RP1: variants seen among roughly 807,000 people sequenced by gnomAD.
RP1 encodes RP1 axonemal microtubule associated, also known as oxygen-regulated protein 1.
Under a neutral mutation model 14.8 loss-of-function variants are expected in RP1, and 16 were observed. That is an observed-to-expected ratio of 1.08 (90% confidence interval 0.73 to 1.65). The LOEUF (loss-of-function observed/expected upper bound fraction) is 1.65, where lower values mean the gene tolerates loss of function less well. RP1 is among the 40% of genes most tolerant of loss of function. RP1 has a pLI of 0.00. For missense variants in RP1, 2,631 were observed against 2,535.0 expected (o/e 1.04, Z -0.81); for synonymous variants, 876 against 883.6 (o/e 0.99, Z 0.15).
chr8:54,610,436 C>A (rs1249078050), intron 1 of RP1, among the ~76,000 whole-genome samples: 1 of 152,130 alleles, frequency 6.6e-6, no homozygotes, highest in African/African-American at 2.4e-5. Flanking sequence ...GTTTTAAGCA[C>A]CATCAGTATA....
chr8:54,603,273 A>G (rs1160181856), intron 1 of RP1, among the ~76,000 whole-genome samples: 7 of 151,904 alleles, frequency 4.6e-5, no homozygotes, highest in Non-Finnish European at 1.0e-4. Flanking sequence ...CAGTTTTCCC[A>G]GCACCATTTA....
chr8:54,595,534 T>A (rs1805123429), intron 1 of RP1, among the ~76,000 whole-genome samples: 1 of 152,212 alleles, frequency 6.6e-6, no homozygotes, highest in Non-Finnish European at 1.5e-5. Flanking sequence ...AACATCTTAA[T>A]ACTTCTCTCT....
In RP1 at chr8:54,628,846, A is replaced by G. The variant is rs1806160871; in HGVS notation, c.4964A>G (p.Gln1655Arg). 1 of 1,613,886 alleles carries G rather than the reference A, an allele frequency of 6.2e-7. No homozygotes were observed. Among genetic ancestry groups the G allele is most frequent in the Non-Finnish European group, 8.5e-7 (1 of 1,179,878 alleles). The change falls in exon 4 of 4, where the codon CAG becomes CGG. Residue 1655 changes from glutamine to arginine, a missense_variant. Transcript: ENST00000220676. ...TTTCCTGGGTCTACCCGCAAATCTC[A>G]GGTTTGTCCTTATAATTCTGTGGAA... ...SFFPGSTRKS[Q>R]VCPYNSVEFQ... is the part of the protein sequence containing the mutation.
intron 1 of RP1, among the ~76,000 whole-genome samples, chr8:54,572,157 G>A (rs1205780651): frequency 5.9e-5 from 9 of 152,196 alleles, no homozygotes; most frequent in Admixed American, 5.9e-4. Context: ...TTTGTGAGCA[G>A]GAACTGGAAG....
rs1807389957 is a variant in RP1 at position 54,679,987 on chromosome 8, AG to A, written c.1717+56del. The A allele has an allele frequency of 2.0e-6, 3 of 1,502,354 alleles. No homozygotes were observed. The Admixed American group carries it at 6.6e-5, about 33-fold the overall frequency. The allele number at this position is 1,502,354 out of a possible 1,614,324, so 93.1% of individuals were successfully genotyped here. A position where few individuals can be genotyped will look rare whatever the true frequency, so the allele number is the denominator to read the frequency against. ...CTGGACAGGTCTGGGAGTTAAAGGAAGGTAGATTTCTAGACACAGTTTAATT... is the reference window on the plus strand; with the variant it reads ...CTGGACAGGTCTGGGAGTTAAAGGAAGTAGATTTCTAGACACAGTTTAATT... On this transcript the variant is annotated intron_variant, in intron 12 of 22. Transcript: ENST00000636932.
intron 16 of RP1, among the ~76,000 whole-genome samples, chr8:54,721,292 T>A (rs917310109): frequency 2.0e-5 from 3 of 152,246 alleles, no homozygotes; most frequent in Admixed American, 6.5e-5. Flanking sequence ...TCCTACAGGC[T>A]GTCACAGAGT....
rs929067657 is a variant in RP1, at chr8:54,577,588, T to C, written c.-13+18268T>C. Among the ~76,000 whole-genome samples, 5 of 152,200 alleles carry C rather than the reference T, an allele frequency of 3.3e-5. 1 individual carries two copies. The South Asian group carries it at 1.0e-3, about 32-fold the overall frequency. The stretch of plus-strand genomic sequence containing the variant: ...AGTCGTGTGTTATGAAGCAGTCACA[T>C]GTGTTGTGAATTACTTATGAATAAT... On this transcript the variant is annotated intron_variant, in intron 1 of 22. Transcript: ENST00000636932.
intron 24 of RP1, among the ~76,000 whole-genome samples, chr8:54,796,381 G>A (rs1354498567): frequency 6.6e-6 from 1 of 152,164 alleles, no homozygotes; most frequent in Admixed American, 6.6e-5. Flanking sequence ...GGAAAATGTA[G>A]GTGACAGTTA....
intron 1 of RP1, among the ~76,000 whole-genome samples, chr8:54,587,442 AAGAG>A (rs929946382): frequency 6.6e-6 from 1 of 151,318 alleles, no homozygotes; most frequent in Admixed American, 6.6e-5. Flanking sequence ...AAAAAAAAAA[AAGAG>A]AGAGAGAGCA....
chr8:54,652,029 A>G (rs1428710150), intron 4 of RP1, among the ~76,000 whole-genome samples: 1 of 144,800 alleles, frequency 6.9e-6, no homozygotes, highest in South Asian at 2.1e-4. Flanking sequence ...TTTTTCTGAG[A>G]TGGAGTCTAT....
chr8:54,856,991 T>A, intron 26 of RP1: 1 of 666,512 alleles, frequency 1.5e-6, no homozygotes, highest in Non-Finnish European at 2.1e-6. Context: ...AAAGGAAATA[T>A]CCTAATGGTC....
intron 23 of RP1, among the ~76,000 whole-genome samples, chr8:54,782,661 G>A (rs766909912): frequency 3.3e-5 from 5 of 152,194 alleles, no homozygotes; most frequent in Non-Finnish European, 1.5e-5. Context: ...GTGCTTGGCT[G>A]TGTGGTGTGG....
chr8:54,585,469 T>C (rs2129298526), intron 1 of RP1, among the ~76,000 whole-genome samples: 1 of 152,318 alleles, frequency 6.6e-6, no homozygotes, highest in South Asian at 2.1e-4. Context: ...CTGACAATTA[T>C]GTGTCTTGGA....
upstream of RP1, among the ~76,000 whole-genome samples, chr8:54,613,130 A>G (rs1316503539): frequency 6.6e-6 from 1 of 152,222 alleles, no homozygotes; most frequent in Non-Finnish European, 1.5e-5. Flanking sequence ...TAAACAAATG[A>G]GTAAAGAAGG....
exon 7 of RP1, chr8:54,663,817 A>G: frequency 2.0e-6 from 3 of 1,531,178 alleles, no homozygotes; most frequent in South Asian, 1.2e-5. Flanking sequence ...AACTATTTAG[A>G]TCGAAGAGCT....
chr8:54,794,806 T>C (rs1810543989), intron 24 of RP1, among the ~76,000 whole-genome samples: 1 of 151,774 alleles, frequency 6.6e-6, no homozygotes, highest in Non-Finnish European at 1.5e-5. Flanking sequence ...TGAAATGAAA[T>C]GGGAATGGGA....
At chr8:54,567,825 T>C (rs1377977059) in intron 1 of RP1, among the ~76,000 whole-genome samples, 5 of 152,230 alleles carry the variant, frequency 3.3e-5, no homozygotes, top group Non-Finnish European at 5.9e-5. Context: ...ATTTATTTTC[T>C]TGTTTATGTG....
chr8:54,844,860 G>T (rs996399339), intron 25 of RP1, among the ~76,000 whole-genome samples: 2 of 152,190 alleles, frequency 1.3e-5, no homozygotes, highest in African/African-American at 2.4e-5. Context: ...GAAGGAGAAT[G>T]AATGGCGCCA....
At chr8:54,607,041 A>G (rs2129307907) in intron 1 of RP1, among the ~76,000 whole-genome samples, 1 of 151,722 alleles carries the variant, frequency 6.6e-6, no homozygotes, top group African/African-American at 2.4e-5. Flanking sequence ...TCTTCTCTCA[A>G]CTCGTCAAAG....
Sources: allele counts gnomAD v4.1 joint callset (sites outside exome capture counted in the v4.1 genomes callset), GRCh38; gene constraint gnomAD v4.1.1; transcripts MANE v1.5; gene names NCBI Gene and HGNC (gene_info 2026-07-23, HGNC 2026-07-21).